The following BNIP3 variants were observed in gnomAD, a reference collection of about 807,000 sequenced individuals.
The protein encoded by BNIP3 is BCL2/adenovirus E1B 19 kDa protein-interacting protein 3.
Under a neutral mutation model 23.9 loss-of-function variants are expected in BNIP3, and 16 were observed. That is an observed-to-expected ratio of 0.67 (90% confidence interval 0.45 to 1.01). The LOEUF is 1.01. BNIP3 is among the 50% of genes least tolerant of loss of function. The pLI is 0.00. For synonymous variants in BNIP3, 81 were observed against 89.3 expected (o/e 0.91, Z 0.53); for missense variants, 198 against 248.7 (o/e 0.80, Z 1.37).
intron 3 of BNIP3, among the ~76,000 whole-genome samples, chr10:131,972,780 G>A (rs557714408): frequency 2.6e-5 from 4 of 152,232 alleles, no homozygotes; most frequent in African/African-American, 7.2e-5. Flanking sequence ...TGGCAGGCAG[G>A]GAGGGACAGG....
intron 1 of BNIP3, among the ~76,000 whole-genome samples, chr10:131,975,130 T>C (rs1052992624): frequency 1.3e-5 from 2 of 152,234 alleles, no homozygotes; most frequent in Non-Finnish European, 2.9e-5. Flanking sequence ...TCTACTGTTA[T>C]GACAGTCACA....
chr10:131,975,217 G>T (rs543931321), intron 1 of BNIP3, among the ~76,000 whole-genome samples: 2 of 152,204 alleles, frequency 1.3e-5, no homozygotes, highest in Non-Finnish European at 2.9e-5. Flanking sequence ...GACAGCTCCC[G>T]CCTCACTCTG....
rs1202732103 is a variant in BNIP3, at chr10:131,970,160, A to G, written c.539+478T>C. On this transcript the variant is annotated intron_variant, in intron 5 of 5. Transcript: ENST00000368636. This position sits in a 1 kb window ranked among gnomAD's most constrained non-coding sequence, Gnocchi z 4.1. The stretch of plus-strand genomic sequence containing the variant: ...CGCCCCTGCACTCAGCCTGGGCAAC[A>G]AGAGCGAAACTCAAGCCAGTAAAGT... The G allele has an allele frequency of 6.2e-6, 1 of 160,314 alleles. No homozygotes were observed. Among genetic ancestry groups the G allele is most frequent in the African/African-American group, 2.5e-5 (1 of 40,410 alleles). The allele number at this position is 160,314 out of a possible 1,614,324, so 9.9% of individuals were successfully genotyped here. A position where few individuals can be genotyped will look rare whatever the true frequency, so the allele number is the denominator to read the frequency against.
chr10:131,979,597 G>T (rs973581251), intron 1 of BNIP3, among the ~76,000 whole-genome samples: 1 of 152,166 alleles, frequency 6.6e-6, no homozygotes, highest in African/African-American at 2.4e-5. Flanking sequence ...GGAGAAAAGG[G>T]CCAAGTTCAT....
Position 131,976,318 on chromosome 10 carries a change from C to T in BNIP3, c.47-2375G>A, listed in dbSNP as rs1275879301. Among the ~76,000 whole-genome samples the T allele has an allele frequency of 2.0e-5, 3 of 152,136 alleles. No individual in the cohort carries two copies. The highest frequency in any genetic ancestry group is 6.5e-5 in the Admixed American group (1 of 15,274). On this transcript the variant is annotated intron_variant, in intron 1 of 5. Coordinates refer to ENST00000368636, the MANE Select transcript of BNIP3 (RefSeq NM_004052.4). This position sits in a 1 kb window ranked among gnomAD's most constrained non-coding sequence, Gnocchi z 4.3. Reference sequence around the variant, plus strand: ...ATGTGGGACACCAAGTCACCACCACCGGGGTGTCCAACGATTCAATTCCAT... The same window carrying T: ...ATGTGGGACACCAAGTCACCACCACTGGGGTGTCCAACGATTCAATTCCAT...
At chr10:131,974,450 C>A (rs1490654447) in intron 1 of BNIP3, among the ~76,000 whole-genome samples, 2 of 152,204 alleles carry the variant, frequency 1.3e-5, no homozygotes, top group Non-Finnish European at 2.9e-5. Context: ...TGCAGTGGCA[C>A]GATGAAGGCT....
chr10:131,973,973 G>C, intron 1 of BNIP3, 30 bp from the exon 2 acceptor site: 1 of 1,612,556 alleles, frequency 6.2e-7, no homozygotes, highest in Non-Finnish European at 8.5e-7. Context: ...GGGCGCAGAT[G>C]GAATTCTCTA....
At chr10:131,979,706 GC>G (rs2037104401) in intron 1 of BNIP3, among the ~76,000 whole-genome samples, 2 of 152,184 alleles carry the variant, frequency 1.3e-5, no homozygotes, top group African/African-American at 4.8e-5. Flanking sequence ...CGAGCATCCT[GC>G]GAGTCAACAA....
Position 131,973,749 on chromosome 10 carries a change from A to G in BNIP3, c.197+44T>C, listed in dbSNP as rs559152963. ...TCCAGCTGTGACTGTCACCCACTGA[A>G]GACATCGGCACTGTAACACATACAC... On this transcript the variant is annotated intron_variant, in intron 2 of 5. Coordinates refer to ENST00000368636, the MANE Select transcript of BNIP3 (RefSeq NM_004052.4). 1.6e-5 allele frequency: 26 copies of G among 1,601,754 alleles called. No individual in the cohort carries two copies. The South Asian group carries it at 2.5e-4, about 16-fold the overall frequency.
At chr10:131,977,900 G>A (rs1216219331) in intron 1 of BNIP3, among the ~76,000 whole-genome samples, 5 of 152,176 alleles carry the variant, frequency 3.3e-5, no homozygotes, top group Non-Finnish European at 4.4e-5. Context: ...CAGCAACCGC[G>A]TAGGAAAGGA....
chr10:131,972,808 C>A (rs1051976521), intron 3 of BNIP3, among the ~76,000 whole-genome samples: 2 of 152,190 alleles, frequency 1.3e-5, no homozygotes, highest in Admixed American at 1.3e-4. Context: ...CGCTGCCTGT[C>A]CCACTCGGCG....
intron 3 of BNIP3, among the ~76,000 whole-genome samples, chr10:131,972,395 A>T (rs2037043149): frequency 6.6e-6 from 1 of 152,218 alleles, no homozygotes; most frequent in African/African-American, 2.4e-5. Flanking sequence ...AACTTTTTTA[A>T]AAAAGAAGAA....
intron 1 of BNIP3, chr10:131,981,411 G>T (rs961951437): frequency 2.8e-6 from 1 of 355,296 alleles, no homozygotes; most frequent in African/African-American, 2.1e-5. Flanking sequence ...GGGCAACGTG[G>T]ACTTTGAGGC....
In BNIP3 at chr10:131,970,611, C is replaced by T. The variant is rs774294902; in HGVS notation, c.539+27G>A. ...AGAATCGCCCCACGACATGCCATGA[C>T]AGGAGTCACACAGTCACATCACCTA... On this transcript the variant is annotated intron_variant, in intron 5 of 5. Coordinates refer to ENST00000368636, the MANE Select transcript of BNIP3 (RefSeq NM_004052.4). The surrounding 1 kb of genome is among the most constrained non-coding windows in gnomAD (Gnocchi z 4.1). 5.6e-6 allele frequency: 9 copies of T among 1,609,718 alleles called. No individual in the cohort carries two copies. Among genetic ancestry groups the T allele is most frequent in the Non-Finnish European group, 7.6e-6 (9 of 1,177,700 alleles).
intron 2 of BNIP3, 170 bp from the exon 3 acceptor site, chr10:131,973,288 C>T: frequency 1.6e-6 from 1 of 642,368 alleles, no homozygotes; most frequent in Non-Finnish European, 2.7e-6. Context: ...TCTTCCTCAG[C>T]CCTTTTGGCT....
intron 1 of BNIP3, 70 bp from the exon 2 acceptor site, chr10:131,974,013 A>C (rs1589976713): frequency 1.3e-6 from 2 of 1,583,014 alleles, no homozygotes; most frequent in East Asian, 2.2e-5. Flanking sequence ...TTGATATCTA[A>C]CCAGCCTGCC....
At chr10:131,978,574 G>A (rs1247960459) in intron 1 of BNIP3, among the ~76,000 whole-genome samples, 1 of 152,044 alleles carries the variant, frequency 6.6e-6, no homozygotes, top group Non-Finnish European at 1.5e-5. Context: ...GTAAACACAG[G>A]GCCAAGTTCT....
chr10:131,977,482 C>T (rs922403737), intron 1 of BNIP3, among the ~76,000 whole-genome samples: 2 of 152,176 alleles, frequency 1.3e-5, no homozygotes, highest in Admixed American at 1.3e-4. Context: ...TAGTGATTTA[C>T]GAACAGAAAC....
At chr10:131,973,686 G>T in intron 2 of BNIP3, 107 bp downstream of exon 2, 1 of 1,498,904 alleles carries the variant, frequency 6.7e-7, no homozygotes, top group East Asian at 2.3e-5. Flanking sequence ...GGCCCGAGGC[G>T]AACAGCAGCC....
Sources: gnomAD v4.1 joint callset for allele counts (sites outside exome capture counted in the v4.1 genomes callset) on GRCh38, gnomAD v4.1.1 for gene constraint, Gnocchi (gnomAD v3.1) non-coding constraint, MANE v1.5 for transcripts, NCBI Gene and HGNC (gene_info 2026-07-23, HGNC 2026-07-21) for gene names.